The following KIAA1549L variants were observed in gnomAD, a reference collection of about 807,000 sequenced individuals.
KIAA1549L encodes the protein UPF0606 protein KIAA1549L.
Under a neutral mutation model 160.7 loss-of-function variants are expected in KIAA1549L, and 88 were observed. The observed-to-expected ratio is 0.55, with a 90% CI of 0.46 to 0.65. KIAA1549L has a LOEUF of 0.65. Ranked by LOEUF, KIAA1549L falls within the 30% of genes least tolerant of loss-of-function variation. The pLI is 0.00. For synonymous variants in KIAA1549L, 950 were observed against 976.7 expected (o/e 0.97, Z 0.51); for missense variants, 2,258 against 2,437.5 (o/e 0.93, Z 1.55).
intron 20 of KIAA1549L, 67 bp downstream of exon 20, chr11:33,661,081 T>A (rs970323573): frequency 6.8e-7 from 1 of 1,461,900 alleles, no homozygotes; most frequent in African/African-American, 1.4e-5. Context: ...GTAAATTAGA[T>A]AAAAGGTTGA....
At chr11:33,637,211 G>T (rs1347780946) in intron 16 of KIAA1549L, among the ~76,000 whole-genome samples, 1 of 152,156 alleles carries the variant, frequency 6.6e-6, no homozygotes, top group South Asian at 2.1e-4. Context: ...TAATCTGTCA[G>T]CAGCTCTGCC....
chr11:33,672,084 T>A lies in KIAA1549L; in HGVS notation c.*3930T>A, dbSNP rs1852688491. 1 of 152,166 alleles carries A rather than the reference T, an allele frequency of 6.6e-6. No homozygotes were observed. Among genetic ancestry groups the A allele is most frequent in the African/African-American group, 2.4e-5 (1 of 41,436 alleles). 9.4% of individuals were successfully genotyped at this position (152,166 alleles called of 1,614,324 possible). A position where few individuals can be genotyped will look rare whatever the true frequency, so the allele number is the denominator to read the frequency against. ...GTTGGCTGAAAGAATAGAGGGACAT[T>A]TCACAAACACAGAACACGGCTCCCC... On this transcript the variant is annotated 3_prime_UTR_variant, in exon 21 of 21. Coordinates refer to ENST00000658780, the MANE Select transcript of KIAA1549L (RefSeq NM_012194.3).
chr11:33,538,440 C>A (rs1239185659), intron 1 of KIAA1549L, among the ~76,000 whole-genome samples: 1 of 152,108 alleles, frequency 6.6e-6, no homozygotes, highest in Non-Finnish European at 1.5e-5. Context: ...TGTAAAACAC[C>A]TCCAAAAAGA....
At chr11:33,465,982 A>G (rs1230681390) in intron 1 of KIAA1549L, among the ~76,000 whole-genome samples, 1 of 152,264 alleles carries the variant, frequency 6.6e-6, no homozygotes, top group East Asian at 1.9e-4. Flanking sequence ...ACAAAGCCAA[A>G]AAACAAAAGC....
At chr11:33,537,287 C>A (rs1417123843) in intron 1 of KIAA1549L, among the ~76,000 whole-genome samples, 1 of 152,158 alleles carries the variant, frequency 6.6e-6, no homozygotes, top group African/African-American at 2.4e-5. Flanking sequence ...ATGGATCTTT[C>A]ATCTGTAACA....
intron 1 of KIAA1549L, among the ~76,000 whole-genome samples, chr11:33,484,821 A>C (rs909225956): frequency 1.3e-5 from 2 of 152,160 alleles, no homozygotes; most frequent in African/African-American, 4.8e-5. Flanking sequence ...TCTTCTCTGT[A>C]TAATCTCACT....
chr11:33,566,242 C>T (rs1168336974), intron 8 of KIAA1549L, among the ~76,000 whole-genome samples: 1 of 152,092 alleles, frequency 6.6e-6, no homozygotes, highest in East Asian at 1.9e-4. Context: ...CCTGATGACA[C>T]CTCTCGACTG....
intron 9 of KIAA1549L, among the ~76,000 whole-genome samples, chr11:33,574,452 T>C (rs1357625199): frequency 6.6e-6 from 1 of 152,232 alleles, no homozygotes; most frequent in Non-Finnish European, 1.5e-5. Flanking sequence ...CACTATCCTG[T>C]GTTTTCTTCT....
chr11:33,509,514 G>A (rs1482356657), intron 1 of KIAA1549L, among the ~76,000 whole-genome samples: 3 of 152,144 alleles, frequency 2.0e-5, no homozygotes, highest in South Asian at 2.1e-4. Context: ...GGACCCACTC[G>A]GGAAGTGAAG....
chr11:33,586,260 T>C (rs1849870489), intron 11 of KIAA1549L, among the ~76,000 whole-genome samples: 1 of 152,230 alleles, frequency 6.6e-6, no homozygotes, highest in African/African-American at 2.4e-5. Context: ...CCGGGGATCC[T>C]TCTTGAGACT....
At chr11:33,423,799 A>G (rs1374976581) in intron 1 of KIAA1549L, among the ~76,000 whole-genome samples, 1 of 152,194 alleles carries the variant, frequency 6.6e-6, no homozygotes, top group Non-Finnish European at 1.5e-5. Flanking sequence ...AGGCCAAGGC[A>G]GGAGAATTGC....
chr11:33,522,380 A>T (rs1037384999), intron 1 of KIAA1549L, among the ~76,000 whole-genome samples: 1 of 152,230 alleles, frequency 6.6e-6, no homozygotes, highest in African/African-American at 2.4e-5. Flanking sequence ...AATTAATAAT[A>T]GTATTCGTTA....
chr11:33,532,585 T>C (rs1205104321), intron 1 of KIAA1549L, among the ~76,000 whole-genome samples: 1 of 152,196 alleles, frequency 6.6e-6, no homozygotes, highest in African/African-American at 2.4e-5. Context: ...GGTTACTCAG[T>C]TAGCAAATGG....
At chr11:33,581,740 T>C (rs1237896214) in intron 10 of KIAA1549L, among the ~76,000 whole-genome samples, 1 of 152,246 alleles carries the variant, frequency 6.6e-6, no homozygotes, top group African/African-American at 2.4e-5. Context: ...ATTACGCCAA[T>C]GAACACAACA....
At position 33,528,022 on chromosome 11, in the gene KIAA1549L, C is replaced by T. The variant is rs567844868; in HGVS notation, c.239-13780C>T. On this transcript the variant is annotated intron_variant, in intron 1 of 20. Coordinates refer to ENST00000658780, the MANE Select transcript of KIAA1549L (RefSeq NM_012194.3). ...GATGGTTTTATAAAGGGGAGTTCCC[C>T]TACACAAGCTCTCTTGCTTGCTGCC... is the stretch of plus-strand genomic sequence containing the variant. Among the ~76,000 whole-genome samples the T allele has an allele frequency of 5.8e-4, 89 of 152,322 alleles. No individual in the cohort carries two copies. In the Middle Eastern group the frequency reaches 0.01, roughly 17 times the overall value.
chr11:33,382,183 G>A lies in KIAA1549L; in HGVS notation c.238+5294G>A, dbSNP rs146867487. On this transcript the variant is annotated intron_variant, in intron 1 of 20. Coordinates refer to ENST00000658780, the MANE Select transcript of KIAA1549L (RefSeq NM_012194.3). ...GAGCCTGGGATTACTGCAGCATTCA[G>A]GGGTTCAGGGTGAAGGGGACCAGCA... Among the ~76,000 whole-genome samples the A allele has an allele frequency of 2.5e-3, 387 of 152,260 alleles. 1 individual carries two copies. The highest frequency in any genetic ancestry group is 8.9e-3 in the African/African-American group (369 of 41,552).
intron 1 of KIAA1549L, among the ~76,000 whole-genome samples, chr11:33,540,560 C>A (rs1178353603): frequency 6.6e-6 from 1 of 152,126 alleles, no homozygotes; most frequent in Non-Finnish European, 1.5e-5. Flanking sequence ...TGTAAAATTG[C>A]AAGTGTCTGA....
chr11:33,637,964 C>G (rs1851480012), intron 16 of KIAA1549L, among the ~76,000 whole-genome samples: 1 of 152,324 alleles, frequency 6.6e-6, no homozygotes, highest in South Asian at 2.1e-4. Context: ...CCAACTCTCT[C>G]TCACCTCTGG....
At chr11:33,646,670 A>G (rs1187478907) in intron 17 of KIAA1549L, among the ~76,000 whole-genome samples, 1 of 152,244 alleles carries the variant, frequency 6.6e-6, no homozygotes, top group Non-Finnish European at 1.5e-5. Flanking sequence ...CCTTACACAC[A>G]CACAAAATAC....
Sources: allele counts gnomAD v4.1 joint callset (sites outside exome capture counted in the v4.1 genomes callset), GRCh38; gene constraint gnomAD v4.1.1; transcripts MANE v1.5; gene names NCBI Gene and HGNC (gene_info 2026-07-23, HGNC 2026-07-21).